Variants in BBS2 observed in about 807,000 individuals in gnomAD.
BBS2 encodes the protein BBSome complex member BBS2.
BBS2 carries 62 observed loss-of-function variants against 83.0 expected under a neutral mutation model. The observed-to-expected ratio is 0.75, with a 90% CI of 0.61 to 0.92. The LOEUF (loss-of-function observed/expected upper bound fraction) is 0.92, where lower values mean the gene tolerates loss of function less well. BBS2 is among the 40% of genes least tolerant of loss of function. The probability of loss-of-function intolerance (pLI) is 0.00; values close to 1 mark genes in which losing one functional copy is unlikely to be tolerated. For synonymous variants in BBS2, 303 were observed against 326.1 expected (o/e 0.93, Z 0.76); for missense variants, 784 against 901.0 (o/e 0.87, Z 1.66).
chr16:56,493,556 G>A (rs1241535377), intron 15 of BBS2, among the ~76,000 whole-genome samples: 5 of 152,032 alleles, frequency 3.3e-5, no homozygotes, highest in African/African-American at 1.2e-4. Flanking sequence ...ACAGAATGAA[G>A]GTCACAGGAA....
rs1964142262 is a variant in BBS2, at chr16:56,497,306, C to A, written c.1798-227G>T. The A allele has an allele frequency of 5.2e-6, 3 of 578,676 alleles. No individual in the cohort carries two copies. In the East Asian group the frequency reaches 8.9e-5, roughly 17 times the overall value. 35.8% of individuals were successfully genotyped at this position (578,676 alleles called of 1,614,324 possible). On this transcript the variant is annotated intron_variant, in intron 14 of 16. Coordinates refer to ENST00000245157, the MANE Select transcript of BBS2 (RefSeq NM_031885.5). ...CATGTGAATCTTCCCCATGCTTTAG[C>A]ACCAGGAGCCCCCACAACACACATA... is the stretch of plus-strand genomic sequence containing the variant.
downstream of BBS2, among the ~76,000 whole-genome samples, chr16:56,481,732 T>C (rs1963666202): frequency 6.6e-6 from 1 of 152,222 alleles, no homozygotes; most frequent in South Asian, 2.1e-4. Context: ...TTGTCCAGTT[T>C]TTCCTCACTC....
At position 56,510,042 on chromosome 16, in the gene BBS2, G is replaced by A. The variant is rs2144177202; in HGVS notation, c.535-8C>T. ...CTCAGATCCAACAAGAAGCTGAAGG[G>A]GAAATATCATACATGTTCAGGTGAG... On this transcript the variant is annotated splice_region_variant and splice_polypyrimidine_tract_variant and intron_variant, in intron 4 of 16. Coordinates refer to ENST00000245157, the MANE Select transcript of BBS2 (RefSeq NM_031885.5). The A allele has an allele frequency of 3.1e-6, 5 of 1,613,500 alleles. No homozygotes were observed. Among genetic ancestry groups the A allele is most frequent in the Non-Finnish European group, 4.2e-6 (5 of 1,179,554 alleles).
intron 7 of BBS2, among the ~76,000 whole-genome samples, 159 bp from the exon 8 acceptor site, chr16:56,502,967 G>A (rs1964320527): frequency 1.3e-5 from 2 of 152,056 alleles, no homozygotes; most frequent in South Asian, 4.1e-4. Flanking sequence ...ATGACTGCTG[G>A]GGCCAAGAGG....
At chr16:56,519,565 A>C in intron 1 of BBS2, 181 bp downstream of exon 1, 1 of 591,254 alleles carries the variant, frequency 1.7e-6, no homozygotes, top group Non-Finnish European at 3.0e-6. Flanking sequence ...TTCTCAGAAA[A>C]GCTCTTCCTC....
intron 17 of BBS2, chr16:56,478,780 T>C (rs1596997791): frequency 6.6e-6 from 1 of 152,338 alleles, no homozygotes; most frequent in African/African-American, 2.4e-5. Context: ...TCATCTTTTA[T>C]ACACTACAAA....
rs755633347 is a variant in BBS2 at position 56,497,860 on chromosome 16, A to T, written c.1680T>A (p.Asp560Glu). The T allele has an allele frequency of 6.2e-7, 1 of 1,611,636 alleles. No homozygotes were observed. Among genetic ancestry groups the T allele is most frequent in the South Asian group, 1.1e-5 (1 of 91,068 alleles). Reference protein sequence around the residue: ...LSGEITINTDDIDLAGDIIQS... With the variant: ...LSGEITINTDEIDLAGDIIQS... ...GGATGATATCACCAGCCAAATCAAT[A>T]TCATCAGTATTTATAGTGATCTACC... The change falls in exon 14 of 17, where the codon GAT becomes GAA. Residue 560 changes from aspartate (D) to glutamate (E), a missense_variant. Asp to Glu is a conservative substitution (Grantham distance 45). Coordinates refer to ENST00000245157, the MANE Select transcript of BBS2 (RefSeq NM_031885.5).
Position 56,510,855 on chromosome 16 carries a change from A to G in BBS2, c.534+4T>C. Reference sequence around the variant, plus strand: ...ACAAGAGAGATATCTCCTCCCCCACATACCTCTTTCTTTCCATCACCATCA... The same window carrying G: ...ACAAGAGAGATATCTCCTCCCCCACGTACCTCTTTCTTTCCATCACCATCA... On this transcript the variant is annotated splice_donor_region_variant and intron_variant, in intron 4 of 16. Transcript: ENST00000245157. 1 of 1,614,014 alleles carries G rather than the reference A, an allele frequency of 6.2e-7. No individual in the cohort carries two copies. The highest frequency in any genetic ancestry group is 8.5e-7 in the Non-Finnish European group (1 of 1,179,910).
intron 13 of BBS2, 115 bp downstream of exon 13, chr16:56,498,322 T>C (rs1251139570): frequency 7.3e-7 from 1 of 1,368,196 alleles, no homozygotes; most frequent in Non-Finnish European, 1.0e-6. Context: ...CACCTCACTT[T>C]GGACTGAATG....
In BBS2 at chr16:56,519,962, C is replaced by CGGCA; in HGVS notation, c.-101_-100insTGCC. On this transcript the variant is annotated 5_prime_UTR_variant, in exon 1 of 17. Transcript: ENST00000245157. ...AAGAAGTGCAGGGACACTACCTGCGCGGCCCCAGCCGCCTCAGGCCGGACG... is the reference window on the plus strand; with the variant it reads ...AAGAAGTGCAGGGACACTACCTGCGCGGCAGGCCCCAGCCGCCTCAGGCCGGACG... 9.7e-7 allele frequency: 1 copy of CGGCA among 1,029,730 alleles called. No homozygotes were observed. The highest frequency in any genetic ancestry group is 1.3e-5 in the South Asian group (1 of 74,670). The allele number at this position is 1,029,730 out of a possible 1,614,324, so 63.8% of individuals were successfully genotyped here. A position where few individuals can be genotyped will look rare whatever the true frequency, so the allele number is the denominator to read the frequency against.
chr16:56,480,376 A>ACAAAAAC (rs756371353), downstream of BBS2, among the ~76,000 whole-genome samples: 4 of 142,402 alleles, frequency 2.8e-5, no homozygotes, highest in Admixed American at 7.1e-5. Flanking sequence ...CAAAAAAAAA[A>ACAAAAAC]ACAAAGCTTG....
intron 17 of BBS2, among the ~76,000 whole-genome samples, chr16:56,471,127 T>C (rs1963157943): frequency 6.6e-6 from 1 of 151,406 alleles, no homozygotes; most frequent in African/African-American, 2.4e-5. Context: ...GGAGGCAGTC[T>C]GATCACCTGA....
At chr16:56,471,180 C>T (rs554080488) in intron 17 of BBS2, among the ~76,000 whole-genome samples, 93 of 149,020 alleles carry the variant, frequency 6.2e-4, no homozygotes, top group African/African-American at 2.2e-3. Context: ...GGCAAAACCC[C>T]GTCTCTACTA....
downstream of BBS2, among the ~76,000 whole-genome samples, chr16:56,481,452 G>A (rs889334629): frequency 1.3e-5 from 2 of 152,172 alleles, no homozygotes; most frequent in Non-Finnish European, 2.9e-5. Context: ...GCGGGGCTTT[G>A]AGGTACTGGA....
chr16:56,508,704 GGCGTGATCAT>G (rs1964496347), intron 5 of BBS2, among the ~76,000 whole-genome samples: 1 of 150,984 alleles, frequency 6.6e-6, no homozygotes, highest in Non-Finnish European at 1.5e-5. Flanking sequence ...GGAATGCAGT[GGCGTGATCAT>G]AGCTCACTGT....
At chr16:56,504,379 A>G (rs1403823748) in intron 7 of BBS2, among the ~76,000 whole-genome samples, 3 of 152,208 alleles carry the variant, frequency 2.0e-5, no homozygotes, top group African/African-American at 7.2e-5. Flanking sequence ...CTACAAATTA[A>G]TATTTCTGTG....
intron 5 of BBS2, chr16:56,509,241 C>G (rs1358262249): frequency 2.6e-5 from 4 of 152,582 alleles, no homozygotes; most frequent in Admixed American, 2.0e-4. Context: ...GTGGGTCACC[C>G]CTGTAATCCC....
intron 15 of BBS2, among the ~76,000 whole-genome samples, chr16:56,495,100 A>G (rs987211271): frequency 6.6e-6 from 1 of 152,230 alleles, no homozygotes; most frequent in African/African-American, 2.4e-5. Context: ...AGATCAACAC[A>G]TTATTTTAAA....
chr16:56,518,682 T>C (rs1362273555), intron 1 of BBS2, among the ~76,000 whole-genome samples: 1 of 152,226 alleles, frequency 6.6e-6, no homozygotes, highest in Non-Finnish European at 1.5e-5. Flanking sequence ...TATAAGTTAT[T>C]AGCGTTGTCA....
Sources: gnomAD v4.1 joint callset for allele counts (sites outside exome capture counted in the v4.1 genomes callset) on GRCh38, gnomAD v4.1.1 for gene constraint, MANE v1.5 for transcripts, NCBI Gene and HGNC (gene_info 2026-07-23, HGNC 2026-07-21) for gene names.